The following AGBL1 variants were observed in gnomAD, a reference collection of about 807,000 sequenced individuals.
The protein encoded by AGBL1 is cytosolic carboxypeptidase 4.
AGBL1 carries 130 observed loss-of-function variants against 118.9 expected under a neutral mutation model. The ratio of observed to expected loss-of-function variants is 1.09; its 90% CI spans 0.95 to 1.26. The LOEUF (loss-of-function observed/expected upper bound fraction) is 1.26, where lower values mean the gene tolerates loss of function less well. Among genes scored for constraint, AGBL1 ranks in the 50% most tolerant of loss-of-function variants. The pLI, the probability that AGBL1 is intolerant of heterozygous loss-of-function variation, is 0.00. For missense variants in AGBL1, 1,584 were observed against 1,298.1 expected (o/e 1.22, Z -3.38); for synonymous variants, 555 against 478.9 (o/e 1.16, Z -2.08).
At chr15:86,466,396 C>A (rs973558302) in intron 18 of AGBL1, among the ~76,000 whole-genome samples, 1 of 152,198 alleles carries the variant, frequency 6.6e-6, no homozygotes, top group Non-Finnish European at 1.5e-5. Context: ...ATTCCTCTAA[C>A]CTTTTATCAA....
intron 18 of AGBL1, among the ~76,000 whole-genome samples, chr15:86,453,321 G>A (rs1349716295): frequency 6.6e-6 from 1 of 152,190 alleles, no homozygotes; most frequent in Non-Finnish European, 1.5e-5. Flanking sequence ...CTTCTCTACA[G>A]AAACAGACAG....
In AGBL1 at chr15:86,264,691, C is replaced by G; in HGVS notation, c.1520C>G (p.Pro507Arg). 2 of 1,614,014 alleles carry G rather than the reference C, an allele frequency of 1.2e-6. No homozygotes were observed. The highest frequency in any genetic ancestry group is 1.7e-6 in the Non-Finnish European group (2 of 1,179,898). Residue 507 changes from proline to arginine, a missense_variant, in exon 11 of 23, where the codon CCT (proline) becomes CGT (arginine). Coordinates refer to ENST00000614907, the MANE Select transcript of AGBL1 (RefSeq NM_001386094.1). ...KLLQTHLKRV[P>R]FHDPYLYMAK... Reference sequence around the variant, plus strand: ...CTGCAGACACATCTGAAGCGTGTCCCTTTCCACGATCCCTATCTTTATATG... The same window carrying G: ...CTGCAGACACATCTGAAGCGTGTCCGTTTCCACGATCCCTATCTTTATATG...
chr15:86,967,441 A>G (rs1453595504), intron 23 of AGBL1, among the ~76,000 whole-genome samples: 6 of 152,096 alleles, frequency 3.9e-5, no homozygotes, highest in African/African-American at 2.4e-5. Context: ...GTTTTCTTCT[A>G]GGGTTTTTAT....
intron 18 of AGBL1, among the ~76,000 whole-genome samples, chr15:86,450,126 T>C (rs1365681868): frequency 6.6e-6 from 1 of 152,156 alleles, no homozygotes; most frequent in Admixed American, 6.5e-5. Context: ...TCTCTATTTA[T>C]CTAGATAAAT....
intron 6 of AGBL1, among the ~76,000 whole-genome samples, chr15:86,234,412 G>A (rs986158753): frequency 1.3e-5 from 2 of 152,046 alleles, no homozygotes; most frequent in Admixed American, 6.6e-5. Flanking sequence ...TTAGCTGTGC[G>A]TGATGGCATG....
intron 17 of AGBL1, among the ~76,000 whole-genome samples, chr15:86,345,913 T>G (rs1222458821): frequency 6.6e-6 from 1 of 152,194 alleles, no homozygotes; most frequent in Non-Finnish European, 1.5e-5. Flanking sequence ...GGCCTTCTTC[T>G]TGCTGATTTT....
intron 22 of AGBL1, among the ~76,000 whole-genome samples, chr15:86,686,018 C>G (rs1050964245): frequency 1.3e-5 from 2 of 152,144 alleles, no homozygotes; most frequent in Non-Finnish European, 2.9e-5. Context: ...ACTAGATGTT[C>G]CAGGTCAGGA....
intron 21 of AGBL1, among the ~76,000 whole-genome samples, chr15:86,639,588 T>G (rs1012275875): frequency 1.3e-5 from 2 of 152,138 alleles, no homozygotes; most frequent in Non-Finnish European, 2.9e-5. Flanking sequence ...TAAACTACAC[T>G]TGGGTTGCTC....
chr15:86,995,296 G>A (rs1405705228), intron 24 of AGBL1, among the ~76,000 whole-genome samples: 1 of 152,126 alleles, frequency 6.6e-6, no homozygotes, highest in Non-Finnish European at 1.5e-5. Context: ...TGAGGTGGAA[G>A]GATCACCTGA....
chr15:86,954,474 A>G (rs977503730), intron 23 of AGBL1, among the ~76,000 whole-genome samples: 2 of 152,218 alleles, frequency 1.3e-5, no homozygotes, highest in African/African-American at 4.8e-5. Context: ...GCAGCTATAG[A>G]AAGATTGAAA....
chr15:86,817,569 G>GACAC (rs2078880357), intron 22 of AGBL1, among the ~76,000 whole-genome samples: 1 of 74,616 alleles, frequency 1.3e-5, no homozygotes, highest in African/African-American at 4.7e-5. Flanking sequence ...GAGAGAGAAA[G>GACAC]AGACAGACAC....
chr15:86,287,043 A>G (rs890145745), intron 16 of AGBL1, among the ~76,000 whole-genome samples: 1 of 151,964 alleles, frequency 6.6e-6, no homozygotes, highest in Non-Finnish European at 1.5e-5. Flanking sequence ...ATAATAACCA[A>G]TCTAACAAGT....
At chr15:87,020,586 T>C (rs1330064097) in intron 24 of AGBL1, among the ~76,000 whole-genome samples, 1 of 152,100 alleles carries the variant, frequency 6.6e-6, no homozygotes, top group African/African-American at 2.4e-5. Flanking sequence ...CATGATCCTA[T>C]ATCTAGAAAA....
chr15:86,552,325 T>TA (rs1412685696), intron 20 of AGBL1, among the ~76,000 whole-genome samples: 1 of 151,496 alleles, frequency 6.6e-6, no homozygotes, highest in Non-Finnish European at 1.5e-5. Flanking sequence ...TTATTTTTTT[T>TA]AAAAAAGAGA....
At chr15:86,406,791 C>T (rs2081536160) in intron 18 of AGBL1, among the ~76,000 whole-genome samples, 1 of 152,058 alleles carries the variant, frequency 6.6e-6, no homozygotes, top group Non-Finnish European at 1.5e-5. Flanking sequence ...CCACATCTTC[C>T]TATGGCAAAA....
intron 22 of AGBL1, among the ~76,000 whole-genome samples, chr15:86,879,219 A>G (rs769184676): frequency 3.9e-5 from 6 of 152,128 alleles, no homozygotes; most frequent in Non-Finnish European, 7.4e-5. Flanking sequence ...GTTTTGCAAA[A>G]TGACTAATTT....
rs970801937 is a variant in AGBL1, at chr15:86,907,461, C to T, written c.*167C>T. 2 of 152,268 alleles carry T rather than the reference C, an allele frequency of 1.3e-5. No homozygotes were observed. Among genetic ancestry groups the T allele is most frequent in the African/African-American group, 4.8e-5 (2 of 41,446 alleles). The allele number at this position is 152,268 out of a possible 1,614,324, so 9.4% of individuals were successfully genotyped here. ...CAGATTTTGTTCTAGTTTCCCTATG[C>T]GTAGAAGCTAGCCACTTTATAACAT... is the stretch of plus-strand genomic sequence containing the variant. On this transcript the variant is annotated 3_prime_UTR_variant, in exon 23 of 23. Transcript: ENST00000614907.
intron 18 of AGBL1, among the ~76,000 whole-genome samples, chr15:86,476,852 G>A (rs2082566466): frequency 6.6e-6 from 1 of 152,178 alleles, no homozygotes; most frequent in Non-Finnish European, 1.5e-5. Flanking sequence ...CTCAGCAAAA[G>A]TAAAAGAACA....
At chr15:86,266,591 A>T in intron 12 of AGBL1, 134 bp downstream of exon 12, 1 of 713,436 alleles carries the variant, frequency 1.4e-6, no homozygotes, top group Admixed American at 3.1e-5. Flanking sequence ...TTAAAGATCT[A>T]TAAGAGAAAG....
Sources: allele counts gnomAD v4.1 joint callset (sites outside exome capture counted in the v4.1 genomes callset), GRCh38; gene constraint gnomAD v4.1.1; transcripts MANE v1.5; gene names NCBI Gene and HGNC (gene_info 2026-07-23, HGNC 2026-07-21).